Variants in RAPGEF5 observed in about 807,000 individuals in gnomAD.
RAPGEF5 encodes M-Ras-regulated GEF.
Under a neutral mutation model 125.2 loss-of-function variants are expected in RAPGEF5, and 65 were observed. The ratio of observed to expected loss-of-function variants is 0.52; its 90% CI spans 0.43 to 0.64. The LOEUF (loss-of-function observed/expected upper bound fraction) is 0.64. Ranked by LOEUF, RAPGEF5 falls within the 30% of genes least tolerant of loss-of-function variation. RAPGEF5 has a pLI of 0.00. For missense variants in RAPGEF5, 958 were observed against 1,048.1 expected (o/e 0.91, Z 1.19); for synonymous variants, 391 against 385.9 (o/e 1.01, Z -0.16).
chr7:22,345,084 GAATAT>G (rs1415841951), intron 1 of RAPGEF5, among the ~76,000 whole-genome samples: 1 of 152,202 alleles, frequency 6.6e-6, no homozygotes, highest in Non-Finnish European at 1.5e-5. Flanking sequence ...TGAGGCCCTG[GAATAT>G]GTGTTTTAAC....
intron 5 of RAPGEF5, chr7:22,298,552 C>T (rs1050123458): frequency 2.0e-5 from 3 of 152,156 alleles, no homozygotes; most frequent in African/African-American, 7.2e-5. Flanking sequence ...AGTCACTCCT[C>T]TTTAATTTTC....
intron 9 of RAPGEF5, chr7:22,194,709 T>C: frequency 1.0e-6 from 1 of 985,474 alleles, no homozygotes; most frequent in Non-Finnish European, 1.2e-6. Context: ...CATGGATGAC[T>C]GCACAGACTT....
chr7:22,188,242 T>C (rs1176588309), intron 11 of RAPGEF5, among the ~76,000 whole-genome samples: 1 of 152,156 alleles, frequency 6.6e-6, no homozygotes, highest in Non-Finnish European at 1.5e-5. Context: ...CCCAGGATCA[T>C]TCCAGGAATG....
chr7:22,134,777 C>T (rs763596661), intron 23 of RAPGEF5, among the ~76,000 whole-genome samples: 1 of 152,204 alleles, frequency 6.6e-6, no homozygotes. Flanking sequence ...AAAGCACAGA[C>T]CTTCTCTTAA....
At chr7:22,142,828 C>T (rs1352059015) in intron 20 of RAPGEF5, among the ~76,000 whole-genome samples, 2 of 152,184 alleles carry the variant, frequency 1.3e-5, no homozygotes, top group African/African-American at 2.4e-5. Flanking sequence ...AATAGGATGC[C>T]TCAGGCAGGA....
chr7:22,131,486 T>C (rs1782913420), intron 23 of RAPGEF5, among the ~76,000 whole-genome samples: 1 of 152,226 alleles, frequency 6.6e-6, no homozygotes, highest in South Asian at 2.1e-4. Context: ...TTTTAGTAAG[T>C]ATGTGTTTGC....
intron 23 of RAPGEF5, among the ~76,000 whole-genome samples, chr7:22,132,197 T>C (rs3807535): frequency 0.42 from 63,321 of 151,940 alleles, 15,277 homozygotes; most frequent in East Asian, 0.6. Context: ...GGGGTAATTA[T>C]GAGATAGGTG....
intron 11 of RAPGEF5, among the ~76,000 whole-genome samples, chr7:22,182,354 T>A (rs560474181): frequency 6.6e-6 from 1 of 152,172 alleles, no homozygotes; most frequent in Admixed American, 6.5e-5. Context: ...CAGCTGCCGA[T>A]GTTAGAGTGA....
intron 18 of RAPGEF5, 120 bp from the exon 19 acceptor site, chr7:22,147,139 A>T: frequency 3.1e-6 from 4 of 1,294,510 alleles, no homozygotes; most frequent in Middle Eastern, 1.9e-4. Flanking sequence ...GAGTGCACTT[A>T]ATATTTTCCC....
At chr7:22,122,652 G>A in intron 25 of RAPGEF5, 131 bp from the exon 26 acceptor site, 1 of 650,940 alleles carries the variant, frequency 1.5e-6, no homozygotes, top group Middle Eastern at 2.5e-4. Flanking sequence ...TCCCATAAGA[G>A]GTGTCCTTGT....
At chr7:22,194,789 TTCCACAG>T in intron 9 of RAPGEF5, 1 of 981,948 alleles carries the variant, frequency 1.0e-6, no homozygotes, top group Middle Eastern at 5.2e-4. Flanking sequence ...CACACACAGC[TTCCACAG>T]CCCAGAGTGA....
chr7:22,227,595 C>T (rs1785950619), intron 8 of RAPGEF5, among the ~76,000 whole-genome samples: 1 of 152,074 alleles, frequency 6.6e-6, no homozygotes. Context: ...ATCTCGGTAC[C>T]TGGGGAGGCT....
At chr7:22,158,832 C>A (rs1418683463) in intron 14 of RAPGEF5, among the ~76,000 whole-genome samples, 1 of 152,042 alleles carries the variant, frequency 6.6e-6, no homozygotes, top group Non-Finnish European at 1.5e-5. Flanking sequence ...CACTATGTTG[C>A]CCAGGGTAGT....
At chr7:22,293,699 G>A (rs752780616) in intron 5 of RAPGEF5, among the ~76,000 whole-genome samples, 27 of 151,940 alleles carry the variant, frequency 1.8e-4, no homozygotes, top group Admixed American at 1.4e-3. Flanking sequence ...CCCATGCCCC[G>A]CTGCACCAGC....
intron 7 of RAPGEF5, among the ~76,000 whole-genome samples, chr7:22,246,544 T>G (rs1786481757): frequency 6.6e-6 from 1 of 152,068 alleles, no homozygotes; most frequent in South Asian, 2.1e-4. Context: ...GAATGAAATA[T>G]ACCCCTACCT....
At position 22,118,478 on chromosome 7, in the gene RAPGEF5, TATTA is replaced by T. The variant is rs1380863118; in HGVS notation, c.*3924_*3927del. 5 of 152,748 alleles carry T rather than the reference TATTA, an allele frequency of 3.3e-5. 1 individual carries two copies. The highest frequency in any genetic ancestry group is 1.2e-4 in the African/African-American group (5 of 41,554). The allele number at this position is 152,748 out of a possible 1,614,324, so 9.5% of individuals were successfully genotyped here. On this transcript the variant is annotated 3_prime_UTR_variant, in exon 26 of 26. Transcript: ENST00000665637. ...TACACAGCACAGTCATATACATATA[TATTA>T]TATATATACACAGAGGCAGAAAGCA...
At chr7:22,125,816 T>G (rs578035479) in intron 24 of RAPGEF5, among the ~76,000 whole-genome samples, 158 bp from the exon 25 acceptor site, 2 of 152,300 alleles carry the variant, frequency 1.3e-5, no homozygotes, top group East Asian at 3.9e-4. Context: ...TCTATGGAGC[T>G]TGGATTATCA....
intron 23 of RAPGEF5, among the ~76,000 whole-genome samples, chr7:22,133,564 A>T (rs1462312584): frequency 2.0e-5 from 3 of 152,192 alleles, no homozygotes; most frequent in Admixed American, 6.5e-5. Context: ...GTGGAAGAGG[A>T]GGAAGAAACA....
chr7:22,303,174 T>C (rs1222627226), intron 5 of RAPGEF5, among the ~76,000 whole-genome samples: 3 of 152,164 alleles, frequency 2.0e-5, no homozygotes, highest in Non-Finnish European at 4.4e-5. Context: ...ATTTCATCAT[T>C]CCTCACCCAT....
Sources: allele counts gnomAD v4.1 joint callset (sites outside exome capture counted in the v4.1 genomes callset), GRCh38; gene constraint gnomAD v4.1.1; transcripts MANE v1.5; gene names NCBI Gene and HGNC (gene_info 2026-07-23, HGNC 2026-07-21).